Variants in MBNL2 observed in about 807,000 individuals in gnomAD.
MBNL2 encodes muscleblind-like protein 2.
MBNL2 carries 17 observed loss-of-function variants against 41.9 expected under a neutral mutation model. The ratio of observed to expected loss-of-function variants is 0.41; its 90% CI spans 0.28 to 0.61. The LOEUF is 0.61. MBNL2 is among the 20% of genes least tolerant of loss of function. The pLI is 0.35. For synonymous variants in MBNL2, 195 were observed against 182.9 expected, an observed-to-expected ratio of 1.07 and a Z score of -0.53; for missense variants, 336 against 505.6, an observed-to-expected ratio of 0.66 and a Z score of 3.22.
chr13:97,188,648 A>G, the MBNL2 span, among the ~76,000 whole-genome samples: 1 of 14,124 alleles, frequency 7.1e-5, no homozygotes, highest in African/African-American at 3.8e-4. Flanking sequence ...AAGAGAAAGG[A>G]AAAAAAAAAA....
chr13:97,233,134 T>C (rs1451690268), intron 1 of MBNL2, among the ~76,000 whole-genome samples: 2 of 64,246 alleles, frequency 3.1e-5, no homozygotes, highest in Non-Finnish European at 5.8e-5. Context: ...TTCATATATA[T>C]ATATATATAT....
chr13:97,305,934 T>TA (rs1025866500), intron 2 of MBNL2, among the ~76,000 whole-genome samples: 2 of 151,940 alleles, frequency 1.3e-5, no homozygotes, highest in Non-Finnish European at 2.9e-5. Context: ...AGAGAAGGGA[T>TA]AAAAAAGGGA....
rs534782572 is a variant in MBNL2, at chr13:97,256,364, A to T, written c.-604-19268A>T. 3.4e-3 allele frequency among the ~76,000 whole-genome samples: 502 copies of T among 147,256 alleles called. 3 individuals carry two copies. Among genetic ancestry groups the T allele is most frequent in the African/African-American group, 0.011 (433 of 39,198 alleles). On this transcript the variant is annotated intron_variant, in intron 1 of 8. Transcript: ENST00000679496. ...TTTTTTTTAATCAATTTTTTTTTTT[A>T]AATATTGGAACTACTATTTGTGAAG...
rs370743900 is a variant in MBNL2 at position 97,357,500 on chromosome 13, C to T, written c.877C>T (p.Leu293Phe). Residue 293 changes from leucine (L) to phenylalanine (F), a missense_variant, in exon 7 of 9, where the codon CTT becomes TTT. By Grantham distance (22) the Leu-to-Phe change is conservative. Transcript: ENST00000679496. ...TVDLAFPPGA[L>F]HPLPKRQALE... Reference sequence around the variant, plus strand: ...TTTCTAGGCCTTTCCCCCTGGTGCTCTTCATCCTTTACCAAAGAGACAAGC... The same window carrying T: ...TTTCTAGGCCTTTCCCCCTGGTGCTTTTCATCCTTTACCAAAGAGACAAGC... 1.3e-5 allele frequency: 21 copies of T among 1,614,120 alleles called. No individual in the cohort carries two copies. In the African/African-American group the frequency reaches 2.7e-4, roughly 20 times the overall value.
the MBNL2 span, among the ~76,000 whole-genome samples, chr13:97,181,101 C>A: frequency 7.9e-5 from 12 of 151,934 alleles, no homozygotes; most frequent in East Asian, 5.8e-4. Context: ...CTCTCCCCCC[C>A]ACCTTCTCTG....
At chr13:97,276,816 CTT>C (rs569822869) in intron 2 of MBNL2, among the ~76,000 whole-genome samples, 1 of 143,106 alleles carries the variant, frequency 7.0e-6, no homozygotes. Context: ...ATTCTTATGG[CTT>C]TTTTTTTTTT....
the MBNL2 span, among the ~76,000 whole-genome samples, chr13:97,143,059 G>A: frequency 6.6e-6 from 1 of 152,186 alleles, no homozygotes; most frequent in African/African-American, 2.4e-5. Flanking sequence ...CTGTAATATG[G>A]TGTTGGTTTA....
chr13:97,207,786 T>G, the MBNL2 span, among the ~76,000 whole-genome samples: 2 of 152,162 alleles, frequency 1.3e-5, no homozygotes, highest in African/African-American at 4.8e-5. Flanking sequence ...GTTCAAAGTC[T>G]CATCCAAGAC....
At chr13:97,389,788 AAAAG>A (rs1488890143) in intron 8 of MBNL2, among the ~76,000 whole-genome samples, 1 of 152,060 alleles carries the variant, frequency 6.6e-6, no homozygotes, top group Non-Finnish European at 1.5e-5. Context: ...TTTTAAAAGT[AAAAG>A]AAAAAGAAAA....
the MBNL2 span, among the ~76,000 whole-genome samples, chr13:97,146,897 G>A: frequency 6.6e-6 from 1 of 152,152 alleles, no homozygotes; most frequent in Non-Finnish European, 1.5e-5. Flanking sequence ...AGTTGAAAAG[G>A]CAACTCCCAT....
intron 2 of MBNL2, among the ~76,000 whole-genome samples, chr13:97,313,832 C>G (rs2058810290): frequency 1.3e-5 from 2 of 152,142 alleles, no homozygotes; most frequent in Admixed American, 1.3e-4. Context: ...TTATGCTCTC[C>G]CAGGCTCTGA....
chr13:97,198,165 A>G, the MBNL2 span, among the ~76,000 whole-genome samples: 1 of 152,200 alleles, frequency 6.6e-6, no homozygotes. Flanking sequence ...TTCCTCATTG[A>G]TGAGACTGGA....
chr13:97,218,446 A>C (rs1348261440), upstream of MBNL2, among the ~76,000 whole-genome samples: 1 of 150,234 alleles, frequency 6.7e-6, no homozygotes, highest in African/African-American at 2.5e-5. Context: ...AAAACAAAAA[A>C]AAAAAACTGG....
chr13:97,141,967 T>C, the MBNL2 span, among the ~76,000 whole-genome samples: 1 of 152,120 alleles, frequency 6.6e-6, no homozygotes, highest in Non-Finnish European at 1.5e-5. Context: ...GAATATTCAG[T>C]TCCCTAAAGT....
the MBNL2 span, among the ~76,000 whole-genome samples, chr13:97,150,696 G>A: frequency 6.6e-6 from 1 of 152,106 alleles, no homozygotes; most frequent in Non-Finnish European, 1.5e-5. Context: ...TGTTAGAGAC[G>A]AGATCTTGCC....
chr13:97,223,066 A>G (rs2041057014), intron 1 of MBNL2, among the ~76,000 whole-genome samples: 1 of 152,254 alleles, frequency 6.6e-6, no homozygotes, highest in South Asian at 2.1e-4. Flanking sequence ...TAAACAACCT[A>G]GCAAGAGGTA....
At chr13:97,317,923 T>C (rs1324713203) in intron 2 of MBNL2, among the ~76,000 whole-genome samples, 1 of 152,256 alleles carries the variant, frequency 6.6e-6, no homozygotes, top group African/African-American at 2.4e-5. Flanking sequence ...TTTATGTATG[T>C]AGAGTTTCTC....
At chr13:97,200,525 T>A in the MBNL2 span, among the ~76,000 whole-genome samples, 1 of 152,208 alleles carries the variant, frequency 6.6e-6, no homozygotes, top group South Asian at 2.1e-4. Context: ...ACATTACAAG[T>A]AATCACTCCA....
intron 5 of MBNL2, among the ~76,000 whole-genome samples, chr13:97,351,776 C>A (rs1196688219): frequency 6.6e-6 from 1 of 152,162 alleles, no homozygotes; most frequent in South Asian, 2.1e-4. Context: ...ATAATCCCAG[C>A]ACTTTGCGGG....
Sources: allele counts gnomAD v4.1 joint callset (sites outside exome capture counted in the v4.1 genomes callset), GRCh38; gene constraint gnomAD v4.1.1; transcripts MANE v1.5; gene names NCBI Gene and HGNC (gene_info 2026-07-23, HGNC 2026-07-21).